Variants in BANK1 observed in about 807,000 individuals in gnomAD.
BANK1 encodes the protein B cell scaffold protein with ankyrin repeats 1, also known as B-cell scaffold protein with ankyrin repeats.
A neutral mutation model predicts 94.5 loss-of-function variants in BANK1; 95 were observed. The ratio of observed to expected loss-of-function variants is 1.00; its 90% CI spans 0.85 to 1.19. The LOEUF (loss-of-function observed/expected upper bound fraction) is 1.19, where lower values mean the gene tolerates loss of function less well. BANK1 is among the 50% of genes most tolerant of loss of function. The probability of loss-of-function intolerance (pLI) is 0.00; values close to 1 mark genes in which losing one functional copy is unlikely to be tolerated. For missense variants in BANK1, 987 were observed against 932.2 expected (o/e 1.06, Z -0.77); for synonymous variants, 334 against 308.4 (o/e 1.08, Z -0.87).
chr4:101,911,770 T>C (rs1478542329), intron 6 of BANK1, among the ~76,000 whole-genome samples: 1 of 152,196 alleles, frequency 6.6e-6, no homozygotes, highest in African/African-American at 2.4e-5. Context: ...TGGCATCTGC[T>C]ATTAGCAGAA....
intron 7 of BANK1, among the ~76,000 whole-genome samples, chr4:101,938,537 C>G (rs533833617): frequency 2.0e-5 from 3 of 151,436 alleles, no homozygotes; most frequent in African/African-American, 7.3e-5. Flanking sequence ...ACAATGCATG[C>G]CTATATCAAA....
intron 3 of BANK1, among the ~76,000 whole-genome samples, chr4:101,860,983 A>G (rs1727853774): frequency 6.6e-6 from 1 of 152,188 alleles, no homozygotes; most frequent in African/African-American, 2.4e-5. Flanking sequence ...TATGAGAAAC[A>G]AAAGGAACAA....
At chr4:102,019,052 A>C (rs556590152) in intron 7 of BANK1, among the ~76,000 whole-genome samples, 1 of 152,208 alleles carries the variant, frequency 6.6e-6, no homozygotes, top group African/African-American at 2.4e-5. Flanking sequence ...TCCTGACCTC[A>C]GGTAATCCAC....
chr4:101,872,732 G>A (rs926274418), intron 5 of BANK1, among the ~76,000 whole-genome samples: 4 of 152,010 alleles, frequency 2.6e-5, no homozygotes, highest in African/African-American at 9.7e-5. Context: ...CACGCCTGTG[G>A]TCTCAGTACT....
At chr4:101,968,963 T>C (rs1445059590) in intron 7 of BANK1, among the ~76,000 whole-genome samples, 1 of 152,090 alleles carries the variant, frequency 6.6e-6, no homozygotes, top group Non-Finnish European at 1.5e-5. Flanking sequence ...CCATGTCCCT[T>C]TCCCAGACCT....
intron 4 of BANK1, among the ~76,000 whole-genome samples, chr4:101,868,402 A>G (rs1046513745): frequency 1.3e-5 from 2 of 152,020 alleles, no homozygotes; most frequent in African/African-American, 2.4e-5. Context: ...TGATAAAGAT[A>G]TATTCTCCAA....
At chr4:101,940,312 A>G (rs1723700729) in intron 7 of BANK1, among the ~76,000 whole-genome samples, 1 of 151,590 alleles carries the variant, frequency 6.6e-6, no homozygotes, top group African/African-American at 2.4e-5. Context: ...ATTTTAGAAT[A>G]GTTTTAGATT....
intron 5 of BANK1, among the ~76,000 whole-genome samples, chr4:101,883,707 G>A (rs963604734): frequency 1.3e-5 from 2 of 152,080 alleles, no homozygotes; most frequent in Non-Finnish European, 2.9e-5. Flanking sequence ...TTTACTACCT[G>A]CTTTTTTAGA....
chr4:101,871,733 C>T (rs969166619), intron 5 of BANK1, among the ~76,000 whole-genome samples: 2 of 152,062 alleles, frequency 1.3e-5, no homozygotes, highest in African/African-American at 4.8e-5. Flanking sequence ...TCCACCTTAT[C>T]CTCTACTTAA....
At chr4:101,820,142 A>G (rs1726083797) in intron 1 of BANK1, among the ~76,000 whole-genome samples, 1 of 152,204 alleles carries the variant, frequency 6.6e-6, no homozygotes, top group African/African-American at 2.4e-5. Context: ...TTGAGATAAC[A>G]CATTAAATCC....
rs59893832 is a variant in BANK1 at position 101,957,075 on chromosome 4, A to G, written c.1206+38886A>G. Among the ~76,000 whole-genome samples, 848 of 152,230 alleles carry G rather than the reference A, an allele frequency of 5.6e-3. 15 individuals are homozygous for G. The East Asian group carries it at 0.056, about 10-fold the overall frequency. ...ATAGCGAGTGAATCCATTCCCTTCT[A>G]TCAGTTATAAGCTTAATTTCACCAG... On this transcript the variant is annotated intron_variant, in intron 7 of 16. Transcript: ENST00000322953.
chr4:102,010,524 C>G (rs2148941783), intron 7 of BANK1, among the ~76,000 whole-genome samples: 1 of 151,468 alleles, frequency 6.6e-6, no homozygotes, highest in Admixed American at 6.6e-5. Context: ...TCCCAAGTAG[C>G]TGAGATTACA....
chr4:101,985,808 A>G (rs1164459561), intron 7 of BANK1, among the ~76,000 whole-genome samples: 1 of 152,124 alleles, frequency 6.6e-6, no homozygotes, highest in African/African-American at 2.4e-5. Context: ...GATTTCTGAC[A>G]TTAATTATAA....
intron 2 of BANK1, among the ~76,000 whole-genome samples, chr4:101,835,260 T>G (rs772119910): frequency 1.3e-5 from 2 of 152,212 alleles, no homozygotes; most frequent in African/African-American, 4.8e-5. Context: ...ATCACCAACA[T>G]GTACTTGAAT....
intron 7 of BANK1, among the ~76,000 whole-genome samples, chr4:101,951,994 A>G (rs920405687): frequency 6.6e-6 from 1 of 152,218 alleles, no homozygotes; most frequent in Admixed American, 6.5e-5. Context: ...TGATAATAAA[A>G]TGTGTGCCTG....
intron 7 of BANK1, among the ~76,000 whole-genome samples, chr4:101,946,602 C>G (rs916921817): frequency 9.2e-5 from 14 of 151,928 alleles, no homozygotes; most frequent in Middle Eastern, 3.4e-3. Context: ...ATTTGAAAAC[C>G]GAGATGGATT....
At chr4:101,831,194 G>T (rs189584942) in intron 2 of BANK1, among the ~76,000 whole-genome samples, 1 of 151,762 alleles carries the variant, frequency 6.6e-6, no homozygotes, top group South Asian at 2.1e-4. Context: ...ATCTTTTTCC[G>T]GACAAACTCT....
intron 7 of BANK1, among the ~76,000 whole-genome samples, chr4:102,011,485 A>G (rs1726510907): frequency 6.6e-6 from 1 of 152,196 alleles, no homozygotes; most frequent in Admixed American, 6.5e-5. Context: ...TGCAGTACTG[A>G]TAGAATATGA....
intron 5 of BANK1, among the ~76,000 whole-genome samples, chr4:101,886,104 A>C (rs1728845747): frequency 6.6e-6 from 1 of 152,226 alleles, no homozygotes. Context: ...TATGCATTAC[A>C]AGGCTGTATT....
Sources: allele counts gnomAD v4.1 joint callset (sites outside exome capture counted in the v4.1 genomes callset), GRCh38; gene constraint gnomAD v4.1.1; transcripts MANE v1.5; gene names NCBI Gene and HGNC (gene_info 2026-07-23, HGNC 2026-07-21).